ACAP2: variants seen among roughly 807,000 people sequenced by gnomAD.
ACAP2 encodes the protein ArfGAP with coiled-coil, ankyrin repeat and PH domains 2, also known as arf-GAP with coiled-coil, ANK repeat and PH domain-containing protein 2.
In ACAP2, 39 loss-of-function variants were observed where a neutral mutation model predicts 115.8. The ratio of observed to expected loss-of-function variants is 0.34; its 90% CI spans 0.26 to 0.44. The LOEUF (loss-of-function observed/expected upper bound fraction) is 0.44, where lower values mean the gene tolerates loss of function less well. Among genes scored for constraint, ACAP2 ranks in the 20% least tolerant of loss-of-function variants. The pLI is 1.00. For missense variants in ACAP2, 662 were observed against 927.6 expected (o/e 0.71, Z 3.72); for synonymous variants, 289 against 315.8 (o/e 0.92, Z 0.90).
chr3:195,397,639 C>T (rs1226309240), intron 1 of ACAP2, among the ~76,000 whole-genome samples: 2 of 151,462 alleles, frequency 1.3e-5, no homozygotes, highest in Non-Finnish European at 1.5e-5. Context: ...GTGTTTGAAT[C>T]GCTACTATAC....
At chr3:195,414,320 G>A (rs1326630966) in intron 1 of ACAP2, among the ~76,000 whole-genome samples, 1 of 152,118 alleles carries the variant, frequency 6.6e-6, no homozygotes, top group East Asian at 1.9e-4. Flanking sequence ...TGTTGTGCAG[G>A]ATGGTCTCGA....
intron 1 of ACAP2, among the ~76,000 whole-genome samples, chr3:195,401,689 A>G (rs1712312771): frequency 6.6e-6 from 1 of 152,184 alleles, no homozygotes; most frequent in African/African-American, 2.4e-5. Flanking sequence ...AGACTACAGA[A>G]CAGTAACGTG....
intron 6 of ACAP2, among the ~76,000 whole-genome samples, chr3:195,338,268 A>C (rs1730645459): frequency 6.6e-6 from 1 of 152,140 alleles, no homozygotes; most frequent in Non-Finnish European, 1.5e-5. Flanking sequence ...GCACTCAATA[A>C]ATATTTCTTA....
intron 2 of ACAP2, 135 bp from the exon 3 acceptor site, chr3:195,382,157 A>G: frequency 1.3e-6 from 1 of 784,462 alleles, no homozygotes; most frequent in Non-Finnish European, 2.0e-6. Context: ...AAAACAGACT[A>G]ATTGAAAAGT....
chr3:195,328,587 A>C (rs1729958020), intron 8 of ACAP2, among the ~76,000 whole-genome samples: 1 of 152,232 alleles, frequency 6.6e-6, no homozygotes, highest in Admixed American at 6.5e-5. Context: ...CTCTCACAGA[A>C]GTTTCTTAAG....
chr3:195,324,733 G>C (rs568882486), intron 9 of ACAP2, among the ~76,000 whole-genome samples: 1 of 151,818 alleles, frequency 6.6e-6, no homozygotes, highest in South Asian at 2.1e-4. Context: ...CAGCCTGGGC[G>C]ACAGGACCAA....
In ACAP2 at chr3:195,381,732, C is replaced by T. The variant is rs566908920; in HGVS notation, c.231+171G>A. Reference sequence around the variant, plus strand: ...ATAATGCGCAATGCAAATCAACCATCACCTTCTCTTAGAAAACAGAATCAT... The same window carrying T: ...ATAATGCGCAATGCAAATCAACCATTACCTTCTCTTAGAAAACAGAATCAT... On this transcript the variant is annotated intron_variant, in intron 3 of 22. Transcript: ENST00000326793. Among the ~76,000 whole-genome samples, 22 of 152,228 alleles carry T rather than the reference C, an allele frequency of 1.4e-4. 1 individual carries two copies. The South Asian group carries it at 4.4e-3, about 30-fold the overall frequency.
In ACAP2 at chr3:195,342,492, T is replaced by C. The variant is rs757446403; in HGVS notation, c.507A>G (p.Ile169Met). 1.7e-5 allele frequency: 27 copies of C among 1,608,388 alleles called. No homozygotes were observed. Among genetic ancestry groups the C allele is most frequent in the Non-Finnish European group, 2.2e-5 (26 of 1,178,734 alleles). Residue 169 changes from isoleucine (I) to methionine (M), a missense_variant, in exon 6 of 23, where the codon ATA becomes ATG. This residue lies in a region of ACAP2 where 401 missense variants were observed against 604.4 expected (regional missense o/e 0.66). Coordinates refer to ENST00000326793, the MANE Select transcript of ACAP2 (RefSeq NM_012287.6). Reference protein sequence around the residue: ...LTATRKCFRHIALDYVLQINV... With the variant: ...LTATRKCFRHMALDYVLQINV... ...ATACCTGAAGCACATAATCGAGGGCTATGTGTCGGAAACATTTTCTTGTTG... is the reference window on the plus strand; with the variant it reads ...ATACCTGAAGCACATAATCGAGGGCCATGTGTCGGAAACATTTTCTTGTTG...
At chr3:195,287,819 T>C (rs1726945923) in intron 21 of ACAP2, among the ~76,000 whole-genome samples, 1 of 151,974 alleles carries the variant, frequency 6.6e-6, no homozygotes, top group African/African-American at 2.4e-5. Flanking sequence ...AAGAAACCAT[T>C]TTAGCCGGGC....
Position 195,404,368 on chromosome 3 carries a change from GATATTT to G in ACAP2, c.54-12227_54-12222del, listed in dbSNP as rs1712561893. 3.3e-5 allele frequency among the ~76,000 whole-genome samples: 5 copies of G among 152,120 alleles called. No homozygotes were observed. The South Asian group carries it at 1.0e-3, about 32-fold the overall frequency. On this transcript the variant is annotated intron_variant, in intron 1 of 22. Transcript: ENST00000326793. The stretch of plus-strand genomic sequence containing the variant: ...AAATGTTGAAAAACACTTCTGGCCT[GATATTT>G]TTGATGAACCAAAAATGTGCTTCTA...
At chr3:195,437,836 C>CAAA (rs1265472821) in intron 1 of ACAP2, among the ~76,000 whole-genome samples, 1 of 101,660 alleles carries the variant, frequency 9.8e-6, no homozygotes, top group African/African-American at 3.8e-5. Context: ...AAAAAAAAAG[C>CAAA]AAAAAAAAAC....
intron 21 of ACAP2, among the ~76,000 whole-genome samples, chr3:195,288,059 A>G (rs1162994765): frequency 6.6e-6 from 1 of 151,882 alleles, no homozygotes; most frequent in African/African-American, 2.4e-5. Context: ...AGATCGTGCC[A>G]TTGCACTCCA....
chr3:195,333,214 C>T, intron 7 of ACAP2, 91 bp from the exon 8 acceptor site: 1 of 607,482 alleles, frequency 1.6e-6, no homozygotes, highest in Non-Finnish European at 2.5e-6. Flanking sequence ...ATATAAAAGA[C>T]AGGGTCTTGC....
chr3:195,372,987 C>CAAAAAAAAAAAAAAAAAAAAAA (rs869134113), intron 4 of ACAP2, among the ~76,000 whole-genome samples: 2 of 17,776 alleles, frequency 1.1e-4, no homozygotes, highest in African/African-American at 1.9e-4. Context: ...GACTCCATCT[C>CAAAAAAAAAAAAAAAAAAAAAA]AAAAAAAAAA....
intron 4 of ACAP2, among the ~76,000 whole-genome samples, chr3:195,366,628 A>C (rs948934766): frequency 1.3e-5 from 2 of 152,212 alleles, no homozygotes; most frequent in Non-Finnish European, 2.9e-5. Context: ...ACTGTTTCTT[A>C]AACTGGGCTG....
At chr3:195,417,639 C>T (rs1713846096) in intron 1 of ACAP2, among the ~76,000 whole-genome samples, 1 of 152,078 alleles carries the variant, frequency 6.6e-6, no homozygotes, top group African/African-American at 2.4e-5. Context: ...CTTTAAGAAG[C>T]ATAAATATGA....
rs1013399494 is a variant in ACAP2 at position 195,276,343 on chromosome 3, T to C, written c.*2985A>G. ...CCATAATCTAATGAATATCAGGAAA[T>C]TTCTGAGTTTCTAAGGATTGTATTA... On this transcript the variant is annotated 3_prime_UTR_variant, in exon 23 of 23. Transcript: ENST00000326793. 3.9e-5 allele frequency: 6 copies of C among 152,214 alleles called. No individual in the cohort carries two copies. The South Asian group carries it at 1.0e-3, about 26-fold the overall frequency. The allele number at this position is 152,214 out of a possible 1,614,324, so 9.4% of individuals were successfully genotyped here. A position where few individuals can be genotyped will look rare whatever the true frequency, so the allele number is the denominator to read the frequency against.
chr3:195,430,839 T>C (rs1715062432), intron 1 of ACAP2, among the ~76,000 whole-genome samples: 1 of 152,256 alleles, frequency 6.6e-6, no homozygotes, highest in Non-Finnish European at 1.5e-5. Flanking sequence ...CTATTCCACC[T>C]ATGCGTTTGA....
rs1730946749 is a variant in ACAP2 at position 195,342,530 on chromosome 3, T to C, written c.469A>G (p.Asn157Asp). The change falls in exon 6 of 23, where the codon AAC becomes GAC. Residue 157 changes from asparagine (N) to aspartate (D), a missense_variant. Coordinates refer to ENST00000326793, the MANE Select transcript of ACAP2 (RefSeq NM_012287.6). ...NKQHEVEEAT[N>D]ILTATRKCFR... ...CATTTTCTTGTTGCTGTCAGAATGT[T>C]GGTGGCTTCTTCAACTTCATGTTGT... The C allele has an allele frequency of 6.2e-7, 1 of 1,612,630 alleles. No homozygotes were observed. The highest frequency in any genetic ancestry group is 1.3e-5 in the African/African-American group (1 of 74,806).
Sources: allele counts gnomAD v4.1 joint callset (sites outside exome capture counted in the v4.1 genomes callset), GRCh38; gene constraint gnomAD v4.1.1; regional missense constraint gnomAD v4.1.1; transcripts MANE v1.5; gene names NCBI Gene and HGNC (gene_info 2026-07-23, HGNC 2026-07-21).